Variants in TSPAN8 observed in about 807,000 individuals in gnomAD.
TSPAN8 encodes the protein tetraspanin 8.
TSPAN8 carries 21 observed loss-of-function variants against 32.8 expected under a neutral mutation model. The ratio of observed to expected loss-of-function variants is 0.64; its 90% CI spans 0.45 to 0.92. The LOEUF is 0.92. TSPAN8 is among the 40% of genes least tolerant of loss of function. The probability of loss-of-function intolerance (pLI) is 0.00; values close to 1 mark genes in which losing one functional copy is unlikely to be tolerated. For synonymous variants in TSPAN8, 95 were observed against 94.6 expected, an observed-to-expected ratio of 1.00 and a Z score of -0.03; for missense variants, 269 against 281.9, an observed-to-expected ratio of 0.95 and a Z score of 0.33.
intron 7 of TSPAN8, among the ~76,000 whole-genome samples, chr12:71,131,950 A>G (rs961692804): frequency 1.3e-5 from 2 of 152,088 alleles, no homozygotes; most frequent in Admixed American, 6.5e-5. Context: ...GAGCGCAGAC[A>G]TTGTGCTCTG....
Position 71,133,277 on chromosome 12 carries a change from G to A in TSPAN8, c.445-453C>T, listed in dbSNP as rs142592185. ...AATTTTTGTATTTTTAGCAGAGACC[G>A]CGTTTTACCATGTTGGCCAGGATTG... On this transcript the variant is annotated intron_variant, in intron 6 of 8. Coordinates refer to ENST00000247829, the MANE Select transcript of TSPAN8 (RefSeq NM_004616.3). 3.4e-3 allele frequency among the ~76,000 whole-genome samples: 517 copies of A among 152,046 alleles called. 2 individuals carry two copies. The highest frequency in any genetic ancestry group is 0.012 in the African/African-American group (496 of 41,480).
At chr12:71,136,729 T>A (rs943719423) in intron 6 of TSPAN8, among the ~76,000 whole-genome samples, 2 of 152,170 alleles carry the variant, frequency 1.3e-5, no homozygotes, top group South Asian at 2.1e-4. Context: ...TATACTGATT[T>A]AAAAAATAAC....
At chr12:71,151,509 C>G (rs756844417) in intron 2 of TSPAN8, among the ~76,000 whole-genome samples, 75 of 152,206 alleles carry the variant, frequency 4.9e-4, no homozygotes, top group Non-Finnish European at 8.5e-4. Context: ...ACATTCAAAA[C>G]ATGTAGAGAG....
At chr12:71,139,393 C>T (rs1871821030) in intron 4 of TSPAN8, 2 of 491,376 alleles carry the variant, frequency 4.1e-6, no homozygotes, top group East Asian at 4.6e-5. Context: ...ACTTATTAAC[C>T]TTCCCTAGTA....
intron 2 of TSPAN8, among the ~76,000 whole-genome samples, chr12:71,146,461 T>C (rs942705964): frequency 2.0e-5 from 3 of 152,212 alleles, no homozygotes; most frequent in East Asian, 1.9e-4. Flanking sequence ...TGTTAAAAGA[T>C]TGACCATCAT....
intron 2 of TSPAN8, among the ~76,000 whole-genome samples, chr12:71,148,687 T>C (rs998726053): frequency 3.3e-5 from 5 of 152,212 alleles, no homozygotes; most frequent in Admixed American, 1.3e-4. Context: ...TTTCACAATA[T>C]TCTGATTTCT....
At chr12:71,155,985 T>G (rs575388051) in intron 2 of TSPAN8, among the ~76,000 whole-genome samples, 1 of 151,960 alleles carries the variant, frequency 6.6e-6, no homozygotes, top group Admixed American at 6.6e-5. Context: ...CCCATCTCGG[T>G]CTCCCAAAGT....
chr12:71,144,530 T>C (rs1798089), intron 2 of TSPAN8, among the ~76,000 whole-genome samples: 56,008 of 151,938 alleles, frequency 0.37, 11,086 homozygotes, highest in African/African-American at 0.44. Context: ...GATTTTAGCA[T>C]ACAAAAGAAA....
chr12:71,132,930 T>TAA, intron 6 of TSPAN8, 106 bp from the exon 7 acceptor site: 1 of 1,273,048 alleles, frequency 7.9e-7, no homozygotes, highest in Non-Finnish European at 1.1e-6. Context: ...GTTATTATGC[T>TAA]AAAATACCAT....
intron 7 of TSPAN8, among the ~76,000 whole-genome samples, chr12:71,130,039 A>G (rs1871472878): frequency 6.8e-6 from 1 of 148,098 alleles, no homozygotes; most frequent in African/African-American, 2.5e-5. Flanking sequence ...TGCAGCCTTG[A>G]CTTCCTGGGC....
intron 2 of TSPAN8, among the ~76,000 whole-genome samples, chr12:71,150,161 T>C (rs1872206015): frequency 2.6e-5 from 4 of 152,160 alleles, no homozygotes; most frequent in Admixed American, 2.6e-4. Flanking sequence ...AAATTTGGGG[T>C]CAGACCGGTT....
chr12:71,150,612 G>A (rs561072343), intron 2 of TSPAN8, among the ~76,000 whole-genome samples: 107 of 152,186 alleles, frequency 7.0e-4, no homozygotes, highest in East Asian at 3.3e-3. Flanking sequence ...TAGAACCTAC[G>A]TTGAAATACT....
Position 71,129,395 on chromosome 12 carries a change from T to C in TSPAN8, c.596A>G (p.Lys199Arg), listed in dbSNP as rs1441230359. Reference protein sequence around the residue: ...VYKETCISFIKDFLAKNLIIV... With the variant: ...VYKETCISFIRDFLAKNLIIV... ...AATCAAATTTTTTGCCAAGAAGTCTTTTATGAAAGAAATACAGGTCTGTTA... is the reference window on the plus strand; with the variant it reads ...AATCAAATTTTTTGCCAAGAAGTCTCTTATGAAAGAAATACAGGTCTGTTA... The change falls in exon 8 of 9, where the codon AAA becomes AGA. Residue 199 changes from lysine to arginine, a missense_variant. Physicochemically the swap from Lys to Arg is conservative, Grantham distance 26. Transcript: ENST00000247829. 1.3e-6 allele frequency: 2 copies of C among 1,584,404 alleles called. No individual in the cohort carries two copies. Among genetic ancestry groups the C allele is most frequent in the Admixed American group, 3.7e-5 (2 of 54,614 alleles).
intron 6 of TSPAN8, among the ~76,000 whole-genome samples, chr12:71,137,617 G>A (rs960444545): frequency 2.6e-5 from 4 of 151,810 alleles, no homozygotes; most frequent in African/African-American, 9.7e-5. Flanking sequence ...AAAAAAGGGG[G>A]AGAGAGAGAG....
At chr12:71,153,696 G>A (rs1872328383) in intron 2 of TSPAN8, among the ~76,000 whole-genome samples, 1 of 152,188 alleles carries the variant, frequency 6.6e-6, no homozygotes, top group Non-Finnish European at 1.5e-5. Flanking sequence ...CCAACTGAGA[G>A]CTCAGAGCTG....
In TSPAN8 at chr12:71,128,655, T is replaced by TTA. The variant is rs398020074; in HGVS notation, c.660+675_660+676insTA. Among the ~76,000 whole-genome samples the TTA allele has an allele frequency of 2.3e-3, 324 of 139,456 alleles. 1 individual carries two copies. The highest frequency in any genetic ancestry group is 4.3e-3 in the Non-Finnish European group (265 of 61,644). 91.5% of individuals were successfully genotyped at this position (139,456 alleles called of 152,430 possible). On this transcript the variant is annotated intron_variant, in intron 8 of 8. Coordinates refer to ENST00000247829, the MANE Select transcript of TSPAN8 (RefSeq NM_004616.3). ...GTATCTTTCAGGTTTTTTTTTTTTT[T>TTA]AAAAAAAAAACATGCCAAGAAAGTT...
rs1236142076 is a variant in TSPAN8, at chr12:71,157,629, A to G, written c.50T>C (p.Phe17Ser). The G allele has an allele frequency of 6.2e-7, 1 of 1,612,256 alleles. No individual in the cohort carries two copies. The highest frequency in any genetic ancestry group is 1.7e-5 in the Admixed American group (1 of 60,000). ...CIKYSMFTFN[F>S]LFWLCGILIL... ...AAGGAAAACACTTACCCAGAACAAG[A>G]AGTTGAAGGTAAACATAGAATATTT... Residue 17 changes from phenylalanine to serine, a missense_variant, in exon 2 of 9, where the codon TTC becomes TCC. Physicochemically the swap from Phe to Ser is radical, Grantham distance 155. Transcript: ENST00000247829.
At chr12:71,156,596 C>T (rs1457924163) in intron 2 of TSPAN8, among the ~76,000 whole-genome samples, 1 of 152,064 alleles carries the variant, frequency 6.6e-6, no homozygotes, top group Non-Finnish European at 1.5e-5. Context: ...TCAGTCTATA[C>T]AATAAAGCTG....
intron 2 of TSPAN8, among the ~76,000 whole-genome samples, chr12:71,152,720 C>T (rs886115231): frequency 6.6e-6 from 1 of 152,164 alleles, no homozygotes; most frequent in Non-Finnish European, 1.5e-5. Context: ...ACTGTATTTA[C>T]AAAATTCATA....
Sources: allele counts gnomAD v4.1 joint callset (sites outside exome capture counted in the v4.1 genomes callset), GRCh38; gene constraint gnomAD v4.1.1; transcripts MANE v1.5; gene names NCBI Gene and HGNC (gene_info 2026-07-23, HGNC 2026-07-21).